Variants in CLEC2A observed in about 807,000 individuals in gnomAD.
CLEC2A encodes the protein C-type lectin domain family 2 member A.
CLEC2A carries 19 observed loss-of-function variants against 18.6 expected under a neutral mutation model. The observed-to-expected ratio is 1.02, with a 90% CI of 0.71 to 1.50. The LOEUF is 1.50. CLEC2A is among the 40% of genes most tolerant of loss of function. The probability of loss-of-function intolerance (pLI) is 0.00; values close to 1 mark genes in which losing one functional copy is unlikely to be tolerated. For synonymous variants in CLEC2A, 74 were observed against 64.0 expected (o/e 1.16, Z -0.75); for missense variants, 190 against 207.9 (o/e 0.91, Z 0.53).
the CLEC2A span, among the ~76,000 whole-genome samples, chr12:9,889,801 A>G: frequency 6.6e-6 from 1 of 152,068 alleles, no homozygotes; most frequent in Non-Finnish European, 1.5e-5. Context: ...AGGCTATAGA[A>G]CTAAGCTAAC....
chr12:9,921,309 A>G (rs1387007556), intron 3 of CLEC2A, among the ~76,000 whole-genome samples: 4 of 152,162 alleles, frequency 2.6e-5, no homozygotes, highest in Non-Finnish European at 4.4e-5. Context: ...AAAGTTAACC[A>G]TGCTGTTTAT....
chr12:9,915,706 G>A (rs1278125759), intron 4 of CLEC2A, among the ~76,000 whole-genome samples: 2 of 152,122 alleles, frequency 1.3e-5, no homozygotes, highest in African/African-American at 4.8e-5. Context: ...GCAGTAGGGG[G>A]TGGGAGAAAG....
At chr12:9,912,895 T>TC (rs919214560), downstream of CLEC2A, among the ~76,000 whole-genome samples, 5 of 152,314 alleles carry the variant, frequency 3.3e-5, no homozygotes, top group Admixed American at 2.6e-4. Context: ...TACTTTTTTT[T>TC]CTCTAGTTTT....
intron 3 of CLEC2A, among the ~76,000 whole-genome samples, chr12:9,917,118 A>G (rs1034314256): frequency 6.6e-6 from 1 of 152,214 alleles, no homozygotes; most frequent in African/African-American, 2.4e-5. Context: ...CTTCTATATA[A>G]ATATAATTTA....
At chr12:9,885,508 G>A in the CLEC2A span, among the ~76,000 whole-genome samples, 35 of 151,918 alleles carry the variant, frequency 2.3e-4, no homozygotes, top group Admixed American at 1.2e-3. Flanking sequence ...GAGCTCAAAT[G>A]AGTAGTGTTT....
chr12:9,921,900 G>A (rs897012795), intron 3 of CLEC2A, among the ~76,000 whole-genome samples, 166 bp downstream of exon 3: 2 of 152,196 alleles, frequency 1.3e-5, no homozygotes, highest in Admixed American at 1.3e-4. Flanking sequence ...TGCTCTTGCT[G>A]TCTCAAGGGT....
At chr12:9,908,096 T>G (rs192291043) in intron 4 of CLEC2A, among the ~76,000 whole-genome samples, 1 of 152,338 alleles carries the variant, frequency 6.6e-6, no homozygotes, top group East Asian at 1.9e-4. Flanking sequence ...CGCTTTAAAT[T>G]ACGGGCCTCA....
the CLEC2A span, among the ~76,000 whole-genome samples, chr12:9,879,023 A>G: frequency 1.3e-5 from 2 of 152,180 alleles, no homozygotes; most frequent in Admixed American, 6.5e-5. Flanking sequence ...ATCAACGGCA[A>G]TAATTTGATT....
chr12:9,881,379 T>A, the CLEC2A span: 8 of 465,990 alleles, frequency 1.7e-5, no homozygotes, highest in Non-Finnish European at 3.1e-5. Context: ...ATTCACAGAA[T>A]TGTAGCCAGA....
chr12:9,892,492 C>T, the CLEC2A span, among the ~76,000 whole-genome samples: 1 of 151,130 alleles, frequency 6.6e-6, no homozygotes, highest in Admixed American at 6.6e-5. Context: ...AATTCACAGG[C>T]TTTGTTCTCC....
chr12:9,889,009 A>T, the CLEC2A span, among the ~76,000 whole-genome samples: 1 of 152,178 alleles, frequency 6.6e-6, no homozygotes, highest in Admixed American at 6.5e-5. Flanking sequence ...GGTTTTAGTG[A>T]GTCAACAACA....
the CLEC2A span, among the ~76,000 whole-genome samples, chr12:9,887,235 T>C: frequency 6.6e-6 from 1 of 151,622 alleles, no homozygotes. Flanking sequence ...CCCACTAAGT[T>C]CGGAACAGAA....
downstream of CLEC2A, among the ~76,000 whole-genome samples, chr12:9,909,530 C>T (rs1023951800): frequency 3.3e-5 from 5 of 152,192 alleles, no homozygotes; most frequent in African/African-American, 1.2e-4. Flanking sequence ...TGAGGGTCAT[C>T]TCACAGCGGC....
chr12:9,923,768 G>A (rs1348715945), intron 2 of CLEC2A, among the ~76,000 whole-genome samples: 1 of 152,172 alleles, frequency 6.6e-6, no homozygotes, highest in Non-Finnish European at 1.5e-5. Flanking sequence ...ATGAGTTCAT[G>A]TCCTTTGTAG....
At chr12:9,926,609 G>GGAAAT (rs2137054011) in intron 1 of CLEC2A, among the ~76,000 whole-genome samples, 1 of 152,248 alleles carries the variant, frequency 6.6e-6, no homozygotes, top group South Asian at 2.1e-4. Flanking sequence ...GGAAAGGAAA[G>GGAAAT]TTTACTTAAA....
chr12:9,926,035 C>G (rs758199828), intron 2 of CLEC2A, among the ~76,000 whole-genome samples: 5 of 152,114 alleles, frequency 3.3e-5, no homozygotes, highest in African/African-American at 1.2e-4. Flanking sequence ...TCTTAAGCAT[C>G]AAGGACTATA....
chr12:9,903,346 T>C (rs1862862701), intron 4 of CLEC2A, among the ~76,000 whole-genome samples: 1 of 152,248 alleles, frequency 6.6e-6, no homozygotes, highest in East Asian at 1.9e-4. Flanking sequence ...CAGAATACAA[T>C]ATAATATCCT....
intron 1 of CLEC2A, among the ~76,000 whole-genome samples, chr12:9,930,052 G>A (rs1376820383): frequency 6.6e-6 from 1 of 152,106 alleles, no homozygotes; most frequent in Non-Finnish European, 1.5e-5. Context: ...GGAATGTATT[G>A]TCGTACAGTT....
chr12:9,909,639 G>A (rs1307206471), downstream of CLEC2A, among the ~76,000 whole-genome samples: 1 of 152,218 alleles, frequency 6.6e-6, no homozygotes, highest in Non-Finnish European at 1.5e-5. Flanking sequence ...TTAAGGGGCA[G>A]AGAGTCAGAG....
Sources: gnomAD v4.1 joint callset for allele counts (sites outside exome capture counted in the v4.1 genomes callset) on GRCh38, gnomAD v4.1.1 for gene constraint, MANE v1.5 for transcripts, NCBI Gene and HGNC (gene_info 2026-07-23, HGNC 2026-07-21) for gene names.